DNM3: variants seen among roughly 807,000 people sequenced by gnomAD.
DNM3 encodes dynamin-3.
In DNM3, 47 loss-of-function variants were observed where a neutral mutation model predicts 101.6. The observed-to-expected ratio is 0.46, with a 90% CI of 0.37 to 0.59. The LOEUF (loss-of-function observed/expected upper bound fraction) is 0.59. DNM3 is among the 20% of genes least tolerant of loss of function. The probability of loss-of-function intolerance (pLI) is 0.00; values close to 1 mark genes in which losing one functional copy is unlikely to be tolerated. For missense variants in DNM3, 849 were observed against 1,085.7 expected, an observed-to-expected ratio of 0.78 and a Z score of 3.06; for synonymous variants, 385 against 387.9, an observed-to-expected ratio of 0.99 and a Z score of 0.09.
At chr1:171,875,841 T>A (rs548039233) in intron 1 of DNM3, among the ~76,000 whole-genome samples, 3 of 90,284 alleles carry the variant, frequency 3.3e-5, no homozygotes, top group Non-Finnish European at 6.2e-5. Flanking sequence ...AGATGGAGTA[T>A]CGTTCTGTCG....
At chr1:171,982,293 A>G (rs1218058482) in intron 2 of DNM3, among the ~76,000 whole-genome samples, 4 of 152,202 alleles carry the variant, frequency 2.6e-5, no homozygotes, top group Non-Finnish European at 2.9e-5. Context: ...AACTCGTTCT[A>G]TAGAGTTTGA....
At chr1:172,069,364 G>A (rs1032908832) in intron 11 of DNM3, among the ~76,000 whole-genome samples, 1 of 151,888 alleles carries the variant, frequency 6.6e-6, no homozygotes. Context: ...AGGAGAGAGT[G>A]GACCTAGATT....
chr1:171,935,668 TCTTTCCATGTC>T (rs750345646), intron 2 of DNM3, among the ~76,000 whole-genome samples: 6 of 151,994 alleles, frequency 3.9e-5, no homozygotes, highest in Non-Finnish European at 7.4e-5. Context: ...TGTGTGCCTC[TCTTTCCATGTC>T]CATATTCAGT....
chr1:172,205,764 T>C (rs917002865), intron 14 of DNM3, among the ~76,000 whole-genome samples: 4 of 152,078 alleles, frequency 2.6e-5, no homozygotes, highest in Admixed American at 2.6e-4. Context: ...AAGGAATGAG[T>C]ATTTTGATAA....
chr1:172,020,974 C>T (rs1340169892), intron 4 of DNM3, among the ~76,000 whole-genome samples: 1 of 152,172 alleles, frequency 6.6e-6, no homozygotes, highest in Non-Finnish European at 1.5e-5. Context: ...TCTTGGGTGT[C>T]TGCTCTGTTG....
chr1:172,332,564 C>T (rs1159175269), intron 17 of DNM3, among the ~76,000 whole-genome samples: 1 of 152,178 alleles, frequency 6.6e-6, no homozygotes, highest in East Asian at 1.9e-4. Context: ...CCACCTTAGC[C>T]TCCCAAAGTG....
intron 19 of DNM3, among the ~76,000 whole-genome samples, chr1:172,388,297 T>C (rs1385148650): frequency 1.3e-5 from 2 of 152,028 alleles, no homozygotes; most frequent in Non-Finnish European, 2.9e-5. Flanking sequence ...GCAATTTATA[T>C]ATAGAGAGAG....
At chr1:172,042,252 TGA>T in intron 8 of DNM3, 108 bp downstream of exon 8, 1 of 1,060,182 alleles carries the variant, frequency 9.4e-7, no homozygotes, top group Non-Finnish European at 1.3e-6. Context: ...CATAGTTCTT[TGA>T]ACAAAACCTC....
chr1:171,945,363 G>T (rs923758810), intron 2 of DNM3, among the ~76,000 whole-genome samples: 1 of 152,122 alleles, frequency 6.6e-6, no homozygotes, highest in Non-Finnish European at 1.5e-5. Flanking sequence ...TTCAGAAACA[G>T]AACAGTTAAC....
intron 15 of DNM3, among the ~76,000 whole-genome samples, chr1:172,295,520 G>C (rs2064123545): frequency 6.6e-6 from 1 of 152,032 alleles, no homozygotes; most frequent in Non-Finnish European, 1.5e-5. Context: ...GATTATTTTT[G>C]TATTCCTGAA....
intron 15 of DNM3, among the ~76,000 whole-genome samples, chr1:172,258,436 T>G (rs2148704510): frequency 6.6e-6 from 1 of 152,222 alleles, no homozygotes; most frequent in South Asian, 2.1e-4. Flanking sequence ...ACAGATTAAA[T>G]CTCATTACTC....
At chr1:171,891,450 A>G (rs1358081696) in intron 1 of DNM3, among the ~76,000 whole-genome samples, 1 of 152,006 alleles carries the variant, frequency 6.6e-6, no homozygotes, top group Non-Finnish European at 1.5e-5. Context: ...GTTGCAATTA[A>G]TGAACCACTA....
intron 4 of DNM3, among the ~76,000 whole-genome samples, chr1:172,015,786 T>C (rs776618652): frequency 2.0e-5 from 3 of 152,206 alleles, no homozygotes; most frequent in Non-Finnish European, 4.4e-5. Context: ...TTGCATTAGC[T>C]AGGACTTCCA....
chr1:172,004,965 A>G (rs1194936084), intron 4 of DNM3, among the ~76,000 whole-genome samples: 1 of 152,118 alleles, frequency 6.6e-6, no homozygotes, highest in Admixed American at 6.6e-5. Flanking sequence ...AAAGTAACAG[A>G]GAAACATTCT....
intron 2 of DNM3, among the ~76,000 whole-genome samples, chr1:171,976,284 T>C (rs2044364725): frequency 6.6e-6 from 1 of 152,252 alleles, no homozygotes; most frequent in African/African-American, 2.4e-5. Context: ...ACTGTTCTCA[T>C]ACTGCTAGTA....
At chr1:172,081,978 C>T in intron 12 of DNM3, 76 bp downstream of exon 12, 1 of 1,405,848 alleles carries the variant, frequency 7.1e-7, no homozygotes, top group Non-Finnish European at 1.0e-6. Context: ...ATTTTTACTA[C>T]AGTTTCACCA....
chr1:171,983,224 G>A (rs1476232638), intron 2 of DNM3, among the ~76,000 whole-genome samples: 3 of 152,106 alleles, frequency 2.0e-5, no homozygotes, highest in South Asian at 2.1e-4. Flanking sequence ...AGAAGCCAAG[G>A]TGGGAACATC....
intron 1 of DNM3, among the ~76,000 whole-genome samples, chr1:171,918,237 T>G (rs190649107): frequency 6.6e-6 from 1 of 152,304 alleles, no homozygotes; most frequent in Admixed American, 6.5e-5. Flanking sequence ...CCGTGGTGCT[T>G]GGGTTTTAAA....
chr1:172,184,428 GA>G (rs920197771), intron 14 of DNM3, among the ~76,000 whole-genome samples: 1 of 152,096 alleles, frequency 6.6e-6, no homozygotes, highest in African/African-American at 2.4e-5. Context: ...GTTGGTGATT[GA>G]AAAGTAGGAA....
Sources: allele counts gnomAD v4.1 joint callset (sites outside exome capture counted in the v4.1 genomes callset), GRCh38; gene constraint gnomAD v4.1.1; transcripts MANE v1.5; gene names NCBI Gene and HGNC (gene_info 2026-07-23, HGNC 2026-07-21).